Variants in TMEM132D observed in about 807,000 individuals in gnomAD.
The protein encoded by TMEM132D is mature OL transmembrane protein.
Under a neutral mutation model 62.3 loss-of-function variants are expected in TMEM132D, and 21 were observed. The ratio of observed to expected loss-of-function variants is 0.34; its 90% confidence interval spans 0.24 to 0.49. The LOEUF is 0.49. Among genes scored for constraint, TMEM132D ranks in the 20% least tolerant of loss-of-function variants. TMEM132D has a pLI of 0.99. For missense variants in TMEM132D, 1,346 were observed against 1,402.8 expected, an observed-to-expected ratio of 0.96 and a Z score of 0.65; for synonymous variants, 621 against 575.6, an observed-to-expected ratio of 1.08 and a Z score of -1.13.
intron 3 of TMEM132D, among the ~76,000 whole-genome samples, chr12:129,395,669 T>C (rs958600860): frequency 2.6e-5 from 4 of 151,064 alleles, no homozygotes; most frequent in African/African-American, 9.7e-5. Flanking sequence ...GATAAAATAC[T>C]ATTATGTCTG....
At chr12:129,103,853 CA>C (rs1320511939) in intron 5 of TMEM132D, among the ~76,000 whole-genome samples, 2 of 152,182 alleles carry the variant, frequency 1.3e-5, no homozygotes, top group African/African-American at 4.8e-5. Context: ...AGGACCTCTT[CA>C]AGGAGAACTA....
chr12:129,571,646 G>A (rs1877517188), intron 2 of TMEM132D, among the ~76,000 whole-genome samples: 1 of 152,006 alleles, frequency 6.6e-6, no homozygotes, highest in African/African-American at 2.4e-5. Flanking sequence ...ACAAACAGCA[G>A]AAGTGGCTTG....
intron 2 of TMEM132D, among the ~76,000 whole-genome samples, chr12:129,595,673 G>A (rs1878316939): frequency 6.6e-6 from 1 of 152,372 alleles, no homozygotes; most frequent in Admixed American, 6.5e-5. Flanking sequence ...GTCTATGGCT[G>A]TAAGAAGAAC....
At chr12:129,459,450 G>T (rs1873586908) in intron 3 of TMEM132D, among the ~76,000 whole-genome samples, 1 of 152,148 alleles carries the variant, frequency 6.6e-6, no homozygotes. Flanking sequence ...GACAGACAGA[G>T]CCTTTCTCTC....
In TMEM132D at chr12:129,700,044, C is replaced by T. The variant is rs2137225868; in HGVS notation, c.734G>A (p.Arg245Lys). Reference protein sequence around the residue: ...ERGDCVREDARRSNGIRTGHS... With the variant: ...ERGDCVREDAKRSNGIRTGHS... ...GCCTGTCCGGATCCCATTGCTTCTC[C>T]TCGCGTCTTCCCTGACGCAGTCCCC... The change falls in exon 2 of 9, where the codon AGG (arginine) becomes AAG (lysine). Residue 245 changes from arginine (R) to lysine (K), a missense_variant. Coordinates refer to ENST00000422113, the MANE Select transcript of TMEM132D (RefSeq NM_133448.3). The T allele has an allele frequency of 1.2e-6, 2 of 1,613,910 alleles. No individual in the cohort carries two copies. The highest frequency in any genetic ancestry group is 1.7e-6 in the Non-Finnish European group (2 of 1,180,042).
At position 129,088,553 on chromosome 12, in the gene TMEM132D, C is replaced by T. The variant is rs1261043393; in HGVS notation, c.1444-3851G>A. Among the ~76,000 whole-genome samples, 15 of 29,976 alleles carry T rather than the reference C, an allele frequency of 5.0e-4. 3 individuals carry two copies. In the East Asian group the frequency reaches 9.9e-3, roughly 20 times the overall value. 19.7% of individuals were successfully genotyped at this position (29,976 alleles called of 152,430 possible). Reference sequence around the variant, plus strand: ...TCTATGACCGGGTGTCCTCCCTGACCGGGTGTCCTCCCTGACCGGGTGTCC... The same window carrying T: ...TCTATGACCGGGTGTCCTCCCTGACTGGGTGTCCTCCCTGACCGGGTGTCC... On this transcript the variant is annotated intron_variant, in intron 5 of 8. Transcript: ENST00000422113.
At chr12:129,243,544 TA>T (rs1879989903) in intron 4 of TMEM132D, among the ~76,000 whole-genome samples, 1 of 152,134 alleles carries the variant, frequency 6.6e-6, no homozygotes, top group African/African-American at 2.4e-5. Flanking sequence ...GTGTAAACAA[TA>T]TTTTTTTTGC....
intron 3 of TMEM132D, among the ~76,000 whole-genome samples, chr12:129,415,422 A>G (rs1042463533): frequency 6.6e-6 from 1 of 152,192 alleles, no homozygotes; most frequent in African/African-American, 2.4e-5. Flanking sequence ...TTTTTGATAG[A>G]AAAATTGTCC....
At chr12:129,496,791 C>T (rs1358081439) in intron 3 of TMEM132D, among the ~76,000 whole-genome samples, 1 of 152,164 alleles carries the variant, frequency 6.6e-6, no homozygotes, top group Non-Finnish European at 1.5e-5. Context: ...AGACGATTGA[C>T]AATCACTCGT....
chr12:129,097,268 G>A (rs760123525), intron 5 of TMEM132D, among the ~76,000 whole-genome samples: 2 of 152,210 alleles, frequency 1.3e-5, no homozygotes, highest in African/African-American at 2.4e-5. Context: ...AGAACCCCTG[G>A]GCGGCAAGAG....
At chr12:129,861,755 A>C (rs1271679428) in intron 1 of TMEM132D, among the ~76,000 whole-genome samples, 3 of 95,306 alleles carry the variant, frequency 3.1e-5, no homozygotes, top group African/African-American at 1.2e-4. Flanking sequence ...CTCTGTCTCA[A>C]AGAAAAAAAA....
In TMEM132D at chr12:129,450,703, C is replaced by G. The variant is rs144099118; in HGVS notation, c.1115+80356G>C. On this transcript the variant is annotated intron_variant, in intron 3 of 8. Transcript: ENST00000422113. ...CCATGAGAGCCCATTCAGGCAATCA[C>G]TGAGCACCCAGAAGGTCATTTCAGC... Among the ~76,000 whole-genome samples the G allele has an allele frequency of 3.9e-3, 596 of 151,586 alleles. 1 individual carries two copies. Among genetic ancestry groups the G allele is most frequent in the Middle Eastern group, 6.8e-3 (2 of 292 alleles).
intron 3 of TMEM132D, among the ~76,000 whole-genome samples, chr12:129,467,789 A>G (rs1873959822): frequency 6.6e-6 from 1 of 152,214 alleles, no homozygotes; most frequent in African/African-American, 2.4e-5. Flanking sequence ...GGTTAGATCC[A>G]GGTCCCAAAG....
At chr12:129,616,631 G>A (rs991990075) in intron 2 of TMEM132D, among the ~76,000 whole-genome samples, 1 of 152,100 alleles carries the variant, frequency 6.6e-6, no homozygotes, top group Non-Finnish European at 1.5e-5. Context: ...TTTCATAAGG[G>A]ACTTTTCCCT....
intron 1 of TMEM132D, among the ~76,000 whole-genome samples, chr12:129,734,014 G>A (rs373801643): frequency 1.8e-4 from 27 of 152,232 alleles, no homozygotes; most frequent in African/African-American, 5.3e-4. Flanking sequence ...TGACTCCTTC[G>A]TTCCCACAGC....
At chr12:129,763,024 A>G (rs1431280317) in intron 1 of TMEM132D, among the ~76,000 whole-genome samples, 1 of 152,178 alleles carries the variant, frequency 6.6e-6, no homozygotes, top group Non-Finnish European at 1.5e-5. Flanking sequence ...AAGGAGAAAT[A>G]CGCCTCCTAG....
chr12:129,560,562 G>T lies in TMEM132D; in HGVS notation c.969-29357C>A, dbSNP rs140135035. Among the ~76,000 whole-genome samples the T allele has an allele frequency of 4.8e-3, 732 of 152,234 alleles. 13 individuals carry two copies. In the South Asian group the frequency reaches 0.055, roughly 12 times the overall value. Reference sequence around the variant, plus strand: ...TAGGATTACAGGCATGAGCCACTGCGCCCGGCCAGCACTTGTTAATTGCTA... The same window carrying T: ...TAGGATTACAGGCATGAGCCACTGCTCCCGGCCAGCACTTGTTAATTGCTA... On this transcript the variant is annotated intron_variant, in intron 2 of 8. Coordinates refer to ENST00000422113, the MANE Select transcript of TMEM132D (RefSeq NM_133448.3).
At chr12:129,759,557 T>G (rs1053999596) in intron 1 of TMEM132D, among the ~76,000 whole-genome samples, 1 of 152,058 alleles carries the variant, frequency 6.6e-6, no homozygotes, top group African/African-American at 2.4e-5. Flanking sequence ...TAAAAGAGAG[T>G]TTATTCCAAC....
intron 5 of TMEM132D, among the ~76,000 whole-genome samples, chr12:129,190,534 T>TTGG (rs563034510): frequency 6.7e-5 from 2 of 29,994 alleles, no homozygotes; most frequent in East Asian, 2.7e-3. Flanking sequence ...GGGAGGGGTC[T>TTGG]CGGCCTGCAG....
Sources: allele counts gnomAD v4.1 joint callset (sites outside exome capture counted in the v4.1 genomes callset), GRCh38; gene constraint gnomAD v4.1.1; transcripts MANE v1.5; gene names NCBI Gene and HGNC (gene_info 2026-07-23, HGNC 2026-07-21).